The following R3HDM2 variants were observed in gnomAD, a reference collection of about 807,000 sequenced individuals.
R3HDM2 encodes the protein R3H domain-containing protein 2.
Under a neutral mutation model 124.5 loss-of-function variants are expected in R3HDM2, and 38 were observed. The ratio of observed to expected loss-of-function variants is 0.31; its 90% CI spans 0.24 to 0.40. The LOEUF (loss-of-function observed/expected upper bound fraction) is 0.40, where lower values mean the gene tolerates loss of function less well. Ranked by LOEUF, R3HDM2 falls within the 10% of genes least tolerant of loss-of-function variation. The probability of loss-of-function intolerance (pLI) is 1.00; values close to 1 mark genes in which losing one functional copy is unlikely to be tolerated. For synonymous variants in R3HDM2, 391 were observed against 448.0 expected, an observed-to-expected ratio of 0.87 and a Z score of 1.61; for missense variants, 869 against 1,236.9, an observed-to-expected ratio of 0.70 and a Z score of 4.46.
chr12:57,349,071 G>A (rs942020937), intron 2 of R3HDM2, among the ~76,000 whole-genome samples: 2 of 151,768 alleles, frequency 1.3e-5, no homozygotes, highest in African/African-American at 2.4e-5. Flanking sequence ...TCTGGATAAT[G>A]CCAGAATTTG....
intron 2 of R3HDM2, among the ~76,000 whole-genome samples, chr12:57,387,586 A>G (rs911562510): frequency 6.6e-6 from 1 of 152,252 alleles, no homozygotes; most frequent in Non-Finnish European, 1.5e-5. Context: ...ATTTAATGTT[A>G]TAACTCACAA....
chr12:57,335,389 G>A (rs1416561728), intron 2 of R3HDM2, among the ~76,000 whole-genome samples: 3 of 150,642 alleles, frequency 2.0e-5, no homozygotes, highest in African/African-American at 7.3e-5. Context: ...TGTATTTTTA[G>A]TAGACACGGG....
At chr12:57,411,848 T>C (rs1393871265) in intron 1 of R3HDM2, among the ~76,000 whole-genome samples, 1 of 152,186 alleles carries the variant, frequency 6.6e-6, no homozygotes, top group Non-Finnish European at 1.5e-5. Context: ...TTGTAATACC[T>C]GGGTGTTGAC....
chr12:57,318,342 C>G (rs2055627976), intron 2 of R3HDM2, among the ~76,000 whole-genome samples: 1 of 152,012 alleles, frequency 6.6e-6, no homozygotes, highest in African/African-American at 2.4e-5. Flanking sequence ...AGAAGTCCAG[C>G]TCTTTAAGTA....
At chr12:57,385,018 G>T (rs111644916) in intron 2 of R3HDM2, among the ~76,000 whole-genome samples, 1 of 151,842 alleles carries the variant, frequency 6.6e-6, no homozygotes, top group South Asian at 2.1e-4. Flanking sequence ...GTTGTGGCAG[G>T]TGCCTGTAAT....
At chr12:57,343,252 G>A (rs893211360) in intron 2 of R3HDM2, among the ~76,000 whole-genome samples, 31 of 147,026 alleles carry the variant, frequency 2.1e-4, no homozygotes, top group African/African-American at 7.9e-4. Flanking sequence ...GTCCAATGGC[G>A]CGATCTTGGC....
rs931278702 is a variant in R3HDM2 at position 57,391,999 on chromosome 12, TAAAAATAC to T, written c.-36+3742_-36+3749del. On this transcript the variant is annotated intron_variant, in intron 2 of 23. Transcript: ENST00000402412. ...CAACATGGCAAAATCCTGTCTCTAC[TAAAAATAC>T]AAAAAATTAGCCAGGTGTGGTGGTG... 4.4e-4 allele frequency among the ~76,000 whole-genome samples: 67 copies of T among 152,262 alleles called. 1 individual carries two copies. The highest frequency in any genetic ancestry group is 1.5e-3 in the Admixed American group (23 of 15,290).
intron 2 of R3HDM2, among the ~76,000 whole-genome samples, chr12:57,311,304 T>A (rs1296647612): frequency 6.6e-6 from 1 of 151,960 alleles, no homozygotes; most frequent in Non-Finnish European, 1.5e-5. Flanking sequence ...CGGCTCACTG[T>A]AAGCTCTGCC....
intron 2 of R3HDM2, among the ~76,000 whole-genome samples, chr12:57,328,582 A>G (rs1207791796): frequency 6.6e-6 from 1 of 152,150 alleles, no homozygotes; most frequent in East Asian, 1.9e-4. Context: ...GCTGGAGTGC[A>G]ATGTCTATTC....
At chr12:57,281,143 C>T (rs1456741752) in intron 13 of R3HDM2, among the ~76,000 whole-genome samples, 1 of 151,780 alleles carries the variant, frequency 6.6e-6, no homozygotes, top group East Asian at 1.9e-4. Flanking sequence ...AAAAATTATC[C>T]GAGCTTGAGG....
chr12:57,312,027 A>G (rs1365035809), intron 2 of R3HDM2, among the ~76,000 whole-genome samples: 1 of 152,186 alleles, frequency 6.6e-6, no homozygotes, highest in African/African-American at 2.4e-5. Context: ...TTCTCCTTAT[A>G]CAGGTTACTG....
intron 2 of R3HDM2, among the ~76,000 whole-genome samples, chr12:57,312,523 G>A (rs753128978): frequency 6.6e-6 from 1 of 151,924 alleles, no homozygotes; most frequent in Non-Finnish European, 1.5e-5. Context: ...GTTTACTTAG[G>A]GCTAGATAAA....
At chr12:57,327,440 C>T (rs951756235) in intron 2 of R3HDM2, among the ~76,000 whole-genome samples, 6 of 144,360 alleles carry the variant, frequency 4.2e-5, no homozygotes, top group Non-Finnish European at 8.9e-5. Flanking sequence ...GCACTCCAGC[C>T]TGGGCGACAG....
At chr12:57,290,375 G>C (rs1192761413) in intron 11 of R3HDM2, among the ~76,000 whole-genome samples, 4 of 152,218 alleles carry the variant, frequency 2.6e-5, no homozygotes, top group Non-Finnish European at 4.4e-5. Flanking sequence ...ACATTAGGGG[G>C]TTAAGAGCAT....
intron 20 of R3HDM2, 109 bp downstream of exon 20, chr12:57,258,781 T>G: frequency 9.4e-7 from 1 of 1,067,468 alleles, no homozygotes; most frequent in South Asian, 2.7e-5. Context: ...CCCCAGAAAG[T>G]ACCCAGGAAA....
intron 2 of R3HDM2, among the ~76,000 whole-genome samples, chr12:57,334,036 C>CA (rs879884252): frequency 0.012 from 1,525 of 124,086 alleles, 14 homozygotes; most frequent in Middle Eastern, 0.022. Flanking sequence ...GACTCCGTCT[C>CA]AAAAAAAAAA....
intron 2 of R3HDM2, among the ~76,000 whole-genome samples, chr12:57,346,634 T>C (rs1050652512): frequency 2.1e-4 from 32 of 152,088 alleles, no homozygotes; most frequent in African/African-American, 7.0e-4. Context: ...GAATTCACAG[T>C]AGCAGATCTG....
intron 2 of R3HDM2, among the ~76,000 whole-genome samples, chr12:57,375,894 G>A (rs1282034217): frequency 1.3e-5 from 2 of 151,902 alleles, no homozygotes; most frequent in African/African-American, 2.4e-5. Flanking sequence ...GGATGGTCTC[G>A]ATCTCCTGAC....
chr12:57,377,790 C>T (rs1307353628), intron 2 of R3HDM2, among the ~76,000 whole-genome samples: 1 of 152,030 alleles, frequency 6.6e-6, no homozygotes, highest in Admixed American at 6.6e-5. Context: ...GTAAAATAAG[C>T]AAGTTGAAAC....
Sources: gnomAD v4.1 joint callset for allele counts (sites outside exome capture counted in the v4.1 genomes callset) on GRCh38, gnomAD v4.1.1 for gene constraint, MANE v1.5 for transcripts, NCBI Gene and HGNC (gene_info 2026-07-23, HGNC 2026-07-21) for gene names.